Variants in SH3RF3 observed in about 807,000 individuals in gnomAD.
The protein encoded by SH3RF3 is E3 ubiquitin-protein ligase SH3RF3.
Under a neutral mutation model 66.3 loss-of-function variants are expected in SH3RF3, and 29 were observed. The observed-to-expected ratio is 0.44, with a 90% CI of 0.33 to 0.60. SH3RF3 has a LOEUF of 0.60. Ranked by LOEUF, SH3RF3 falls within the 20% of genes least tolerant of loss-of-function variation. SH3RF3 has a pLI of 0.04. For missense variants in SH3RF3, 1,194 were observed against 1,190.9 expected (o/e 1.00, Z -0.04); for synonymous variants, 583 against 532.0 (o/e 1.10, Z -1.32).
chr2:109,263,384 C>CT (rs1267374613), intron 1 of SH3RF3, among the ~76,000 whole-genome samples: 1 of 152,114 alleles, frequency 6.6e-6, no homozygotes. Context: ...TTTATTTTGT[C>CT]TTTATTTTTT....
intron 2 of SH3RF3, among the ~76,000 whole-genome samples, chr2:109,367,256 G>A (rs1683170051): frequency 6.6e-6 from 1 of 151,560 alleles, no homozygotes; most frequent in South Asian, 2.1e-4. Flanking sequence ...GAGCCACTGT[G>A]CCCGTCTTGT....
chr2:109,495,349 C>G (rs1170849600), intron 9 of SH3RF3, among the ~76,000 whole-genome samples: 3 of 152,200 alleles, frequency 2.0e-5, no homozygotes, highest in African/African-American at 7.2e-5. Context: ...ACCAGCCCCT[C>G]CTGCCCACTG....
At chr2:109,392,696 C>T (rs1213742654) in intron 3 of SH3RF3, among the ~76,000 whole-genome samples, 2 of 151,044 alleles carry the variant, frequency 1.3e-5, no homozygotes, top group Non-Finnish European at 3.0e-5. Context: ...TTTTTTTTTT[C>T]AGTAGAGATG....
chr2:109,182,378 G>A (rs1478337654), intron 1 of SH3RF3, among the ~76,000 whole-genome samples: 4 of 152,160 alleles, frequency 2.6e-5, no homozygotes, highest in Non-Finnish European at 5.9e-5. Flanking sequence ...GGAAGGTGAA[G>A]CCCTCATGAC....
Position 109,352,838 on chromosome 2 carries a change from C to T in SH3RF3, c.849+4889C>T, listed in dbSNP as rs545339592. ...CCTCTTAGCCACTACAGACCACCCT[C>T]GCCCAGCCCCTTCTGACAGCAAAGG... On this transcript the variant is annotated intron_variant, in intron 2 of 9. Transcript: ENST00000309415. Among the ~76,000 whole-genome samples, 9 of 152,388 alleles carry T rather than the reference C, an allele frequency of 5.9e-5. No individual in the cohort carries two copies. The East Asian group carries it at 1.2e-3, about 20-fold the overall frequency.
At chr2:109,328,863 T>C (rs1682219509) in intron 1 of SH3RF3, among the ~76,000 whole-genome samples, 1 of 152,180 alleles carries the variant, frequency 6.6e-6, no homozygotes, top group Non-Finnish European at 1.5e-5. Context: ...GTGTCAAATA[T>C]ATCCCTGGAC....
In SH3RF3 at chr2:109,129,521, C is replaced by T. The variant is rs117032261; in HGVS notation, c.-20C>T. ...CCGGGACCTAGGCAGCCGCGCGAGA[C>T]CGCTGCGGGCGCCTCCCCCATGCTG... On this transcript the variant is annotated 5_prime_UTR_variant, in exon 1 of 10. Coordinates refer to ENST00000309415, the MANE Select transcript of SH3RF3 (RefSeq NM_001099289.3). 100,345 of 1,496,130 alleles carry T rather than the reference C, an allele frequency of 0.067. 3,679 individuals carry two copies. Among genetic ancestry groups the T allele is most frequent in the East Asian group, 0.12 (4,459 of 35,980 alleles). 92.7% of individuals were successfully genotyped at this position (1,496,130 alleles called of 1,614,324 possible).
At chr2:109,346,902 C>G (rs1393388835) in intron 1 of SH3RF3, among the ~76,000 whole-genome samples, 2 of 152,190 alleles carry the variant, frequency 1.3e-5, no homozygotes, top group Non-Finnish European at 2.9e-5. Context: ...CAAGTACATG[C>G]AGCAGAAAGC....
intron 9 of SH3RF3, among the ~76,000 whole-genome samples, chr2:109,492,516 G>A (rs905853565): frequency 4.6e-5 from 7 of 152,196 alleles, no homozygotes; most frequent in South Asian, 2.1e-4. Flanking sequence ...TTCCGGCTAC[G>A]CATGCCCAGG....
intron 8 of SH3RF3, among the ~76,000 whole-genome samples, chr2:109,475,054 T>G (rs958945237): frequency 7.9e-5 from 12 of 152,338 alleles, no homozygotes; most frequent in Middle Eastern, 3.4e-3. Context: ...CTCTGCTCAC[T>G]GCAACCTCCA....
intron 1 of SH3RF3, among the ~76,000 whole-genome samples, chr2:109,342,380 C>T (rs757024190): frequency 6.6e-6 from 1 of 152,160 alleles, no homozygotes; most frequent in Non-Finnish European, 1.5e-5. Context: ...ATATATGGAG[C>T]GTATGATCTG....
At position 109,384,732 on chromosome 2, in the gene SH3RF3, A is replaced by C. The variant is rs560808219; in HGVS notation, c.945+13051A>C. Among the ~76,000 whole-genome samples, 6 of 152,272 alleles carry C rather than the reference A, an allele frequency of 3.9e-5. No homozygotes were observed. In the South Asian group the frequency reaches 1.2e-3, roughly 32 times the overall value. The stretch of plus-strand genomic sequence containing the variant: ...GGTGAACTTTGATAGTGTAAAATGC[A>C]TGTGGAGGGAGCCTTCTAGACTAAA... On this transcript the variant is annotated intron_variant, in intron 3 of 9. Coordinates refer to ENST00000309415, the MANE Select transcript of SH3RF3 (RefSeq NM_001099289.3).
chr2:109,437,057 A>G lies in SH3RF3; in HGVS notation c.1739A>G (p.Gln580Arg). Residue 580 changes from glutamine to arginine, a missense_variant, in exon 7 of 10, where the codon CAG (glutamine) becomes CGG (arginine). By Grantham distance (43) the Gln-to-Arg change is conservative. Coordinates refer to ENST00000309415, the MANE Select transcript of SH3RF3 (RefSeq NM_001099289.3). ...ATCACCACTCCCCAGGCCCACGCCC[A>G]GCACCCCACAGCCTCGCCCCCAACA... ...LPITTPQAHA[Q>R]HPTASPPTGS... The G allele has an allele frequency of 6.2e-7, 1 of 1,613,740 alleles. No individual in the cohort carries two copies. Among genetic ancestry groups the G allele is most frequent in the Non-Finnish European group, 8.5e-7 (1 of 1,179,862 alleles).
At chr2:109,325,888 G>A (rs1376776121) in intron 1 of SH3RF3, among the ~76,000 whole-genome samples, 13 of 152,226 alleles carry the variant, frequency 8.5e-5, no homozygotes. Context: ...AGAGAGGGTT[G>A]AAAGTATGCA....
At chr2:109,414,869 A>G (rs1016254715) in intron 4 of SH3RF3, among the ~76,000 whole-genome samples, 2 of 152,192 alleles carry the variant, frequency 1.3e-5, no homozygotes, top group Non-Finnish European at 2.9e-5. Flanking sequence ...TGGAGAAGGG[A>G]CTGATGGCCC....
chr2:109,274,976 A>G (rs1680719995), intron 1 of SH3RF3, among the ~76,000 whole-genome samples: 1 of 152,124 alleles, frequency 6.6e-6, no homozygotes, highest in Admixed American at 6.5e-5. Context: ...TGTTATATGA[A>G]TTTTGCATCA....
chr2:109,175,246 G>A (rs1056823387), intron 1 of SH3RF3, among the ~76,000 whole-genome samples: 2 of 152,132 alleles, frequency 1.3e-5, no homozygotes, highest in Non-Finnish European at 2.9e-5. Flanking sequence ...TGTTTTCCTT[G>A]CCTGGCACTT....
At chr2:109,281,807 C>T (rs984666926) in intron 1 of SH3RF3, among the ~76,000 whole-genome samples, 2 of 152,042 alleles carry the variant, frequency 1.3e-5, no homozygotes, top group African/African-American at 4.8e-5. Flanking sequence ...CACTGACTGT[C>T]GGGGGCACGC....
Position 109,437,420 on chromosome 2 carries a change from A to C in SH3RF3, c.1828+274A>C, listed in dbSNP as rs576233591. On this transcript the variant is annotated intron_variant, in intron 7 of 9. Coordinates refer to ENST00000309415, the MANE Select transcript of SH3RF3 (RefSeq NM_001099289.3). ...CTCCAGGAAGTTCACTTGCCTTATC[A>C]TGTTACCCATCCTGGCAGCTGAAGT... Among the ~76,000 whole-genome samples, 46 of 152,138 alleles carry C rather than the reference A, an allele frequency of 3.0e-4. No individual in the cohort carries two copies. The South Asian group carries it at 9.6e-3, about 32-fold the overall frequency.
Sources: allele counts gnomAD v4.1 joint callset (sites outside exome capture counted in the v4.1 genomes callset), GRCh38; gene constraint gnomAD v4.1.1; transcripts MANE v1.5; gene names NCBI Gene and HGNC (gene_info 2026-07-23, HGNC 2026-07-21).